The following CAP2 variants were observed in gnomAD, a reference collection of about 807,000 sequenced individuals.
The protein encoded by CAP2 is adenylyl cyclase-associated protein 2.
In CAP2, 24 loss-of-function variants were observed where a neutral mutation model predicts 57.7. That is an observed-to-expected ratio of 0.42 (90% CI 0.30 to 0.58). The LOEUF is 0.58. Ranked by LOEUF, CAP2 falls within the 20% of genes least tolerant of loss-of-function variation. The pLI is 0.22. For missense variants in CAP2, 501 were observed against 590.3 expected, an observed-to-expected ratio of 0.85 and a Z score of 1.57; for synonymous variants, 194 against 207.2, an observed-to-expected ratio of 0.94 and a Z score of 0.55.
chr6:17,545,485 A>G (rs1004890256), intron 11 of CAP2, among the ~76,000 whole-genome samples: 3 of 152,358 alleles, frequency 2.0e-5, no homozygotes, highest in Non-Finnish European at 4.4e-5. Context: ...TCAAACAGAT[A>G]GGCAGATATG....
intron 1 of CAP2, among the ~76,000 whole-genome samples, chr6:17,419,482 C>T (rs1005417084): frequency 1.3e-5 from 2 of 152,026 alleles, no homozygotes; most frequent in African/African-American, 2.4e-5. Flanking sequence ...TTGATATGGC[C>T]GGGGTTAAGG....
In CAP2 at chr6:17,540,956, G is replaced by T; in HGVS notation, c.827-17G>T. ...CTTTGCATAAAATAAATGTGTCCAT[G>T]TGTGTTGTCCTCCTAGGGCTCCGCC... On this transcript the variant is annotated splice_polypyrimidine_tract_variant and intron_variant, in intron 8 of 12. Coordinates refer to ENST00000229922, the MANE Select transcript of CAP2 (RefSeq NM_006366.3). 6.2e-7 allele frequency: 1 copy of T among 1,608,366 alleles called. No individual in the cohort carries two copies. Among genetic ancestry groups the T allele is most frequent in the Non-Finnish European group, 8.5e-7 (1 of 1,176,988 alleles).
chr6:17,398,885 A>C (rs1000478896), intron 1 of CAP2, among the ~76,000 whole-genome samples: 10 of 152,140 alleles, frequency 6.6e-5, no homozygotes, highest in African/African-American at 2.2e-4. Context: ...ACTGTTGTGC[A>C]ACCATTATTA....
At chr6:17,532,925 C>T (rs1304099303) in intron 7 of CAP2, among the ~76,000 whole-genome samples, 1 of 150,868 alleles carries the variant, frequency 6.6e-6, no homozygotes, top group African/African-American at 2.4e-5. Flanking sequence ...ATTAGCTGGG[C>T]GTGGTGGTGC....
chr6:17,527,173 G>A (rs749122636), intron 7 of CAP2, among the ~76,000 whole-genome samples: 18 of 152,160 alleles, frequency 1.2e-4, no homozygotes, highest in African/African-American at 9.6e-5. Flanking sequence ...AAGTACAGTC[G>A]TTTCTGTATG....
intron 1 of CAP2, among the ~76,000 whole-genome samples, chr6:17,418,361 G>A (rs1212705455): frequency 6.6e-6 from 1 of 152,184 alleles, no homozygotes; most frequent in Non-Finnish European, 1.5e-5. Flanking sequence ...TAGGGGCTGT[G>A]GCAGGATTTC....
At chr6:17,472,847 G>T (rs377248455) in intron 4 of CAP2, among the ~76,000 whole-genome samples, 1 of 152,178 alleles carries the variant, frequency 6.6e-6, no homozygotes, top group South Asian at 2.1e-4. Flanking sequence ...AGAGAGGGAG[G>T]TAATCAGAAA....
intron 4 of CAP2, among the ~76,000 whole-genome samples, chr6:17,483,247 A>T (rs2113625120): frequency 6.6e-6 from 1 of 152,372 alleles, no homozygotes; most frequent in Non-Finnish European, 1.5e-5. Flanking sequence ...CTTACAGATA[A>T]CAATACAAGG....
intron 11 of CAP2, among the ~76,000 whole-genome samples, chr6:17,549,318 C>G (rs1446758942): frequency 2.0e-5 from 3 of 152,048 alleles, no homozygotes; most frequent in African/African-American, 7.2e-5. Flanking sequence ...ACAAAATTAG[C>G]CGGGCATGGT....
intron 12 of CAP2, among the ~76,000 whole-genome samples, chr6:17,553,673 A>G (rs889378071): frequency 1.3e-5 from 2 of 151,982 alleles, no homozygotes; most frequent in African/African-American, 4.8e-5. Flanking sequence ...TTACAGGTCA[A>G]TTACCTTGTG....
chr6:17,397,694 C>CAAAAAAA (rs554131865), intron 1 of CAP2, among the ~76,000 whole-genome samples: 49 of 70,486 alleles, frequency 7.0e-4, no homozygotes, highest in African/African-American at 1.1e-3. Flanking sequence ...GACTCCATAT[C>CAAAAAAA]AAAAAAAAAA....
chr6:17,458,804 A>C (rs1760646249), intron 3 of CAP2, among the ~76,000 whole-genome samples: 1 of 152,110 alleles, frequency 6.6e-6, no homozygotes, highest in Non-Finnish European at 1.5e-5. Context: ...AAGGAGATTA[A>C]AAATGAAATT....
chr6:17,513,798 T>G lies in CAP2; in HGVS notation c.531-51T>G. The G allele has an allele frequency of 7.4e-7, 1 of 1,350,554 alleles. No individual in the cohort carries two copies. Among genetic ancestry groups the G allele is most frequent in the Non-Finnish European group, 1.1e-6 (1 of 942,946 alleles). The allele number at this position is 1,350,554 out of a possible 1,614,324, so 83.7% of individuals were successfully genotyped here. A position where few individuals can be genotyped will look rare whatever the true frequency, so the allele number is the denominator to read the frequency against. On this transcript the variant is annotated intron_variant, in intron 6 of 12. Coordinates refer to ENST00000229922, the MANE Select transcript of CAP2 (RefSeq NM_006366.3). The surrounding 1 kb of genome is among the most constrained non-coding windows in gnomAD (Gnocchi z 4.3). ...ATGTGCCCCCACAATTTTTTTAAAA[T>G]TTTATTTTAGATCCTAACTCTGCTT...
At chr6:17,394,266 T>G (rs1236348275) in intron 1 of CAP2, among the ~76,000 whole-genome samples, 1 of 151,696 alleles carries the variant, frequency 6.6e-6, no homozygotes, top group Admixed American at 6.6e-5. Flanking sequence ...GAACCTGACT[T>G]GAGGCGATGA....
chr6:17,412,522 C>T (rs536576156), intron 1 of CAP2, among the ~76,000 whole-genome samples: 1 of 152,178 alleles, frequency 6.6e-6, no homozygotes, highest in East Asian at 1.9e-4. Context: ...TTCTCTAATC[C>T]CCAGAGTTCT....
intron 4 of CAP2, among the ~76,000 whole-genome samples, chr6:17,477,905 T>G (rs1287841979): frequency 6.6e-6 from 1 of 151,494 alleles, no homozygotes; most frequent in African/African-American, 2.4e-5. Flanking sequence ...TGTTCTTTGT[T>G]TAGTTGTTCA....
At chr6:17,398,353 C>T (rs1221751518) in intron 1 of CAP2, among the ~76,000 whole-genome samples, 2 of 152,126 alleles carry the variant, frequency 1.3e-5, no homozygotes, top group South Asian at 2.1e-4. Flanking sequence ...AACAATGAGC[C>T]TTGGGCAGAT....
intron 4 of CAP2, among the ~76,000 whole-genome samples, chr6:17,474,173 GAA>G (rs1431926524): frequency 7.3e-6 from 1 of 137,246 alleles, no homozygotes; most frequent in Admixed American, 7.5e-5. Context: ...CAAGACAGAG[GAA>G]AAAAACAGTC....
At chr6:17,483,871 A>C (rs1177064133) in intron 4 of CAP2, among the ~76,000 whole-genome samples, 1 of 151,980 alleles carries the variant, frequency 6.6e-6, no homozygotes, top group African/African-American at 2.4e-5. Context: ...TGAACTCTGC[A>C]CACGAGCACC....
Sources: allele counts gnomAD v4.1 joint callset (sites outside exome capture counted in the v4.1 genomes callset), GRCh38; gene constraint gnomAD v4.1.1; non-coding constraint Gnocchi (gnomAD v3.1); transcripts MANE v1.5; gene names NCBI Gene and HGNC (gene_info 2026-07-23, HGNC 2026-07-21).